NR3C2: variants seen among roughly 807,000 people sequenced by gnomAD.
NR3C2 encodes the protein mineralocorticoid receptor.
A neutral mutation model predicts 86.4 loss-of-function variants in NR3C2; 15 were observed. That is an observed-to-expected ratio of 0.17 (90% CI 0.12 to 0.27). NR3C2 has a LOEUF of 0.27. NR3C2 is among the 10% of genes least tolerant of loss of function. The pLI, the probability that NR3C2 is intolerant of heterozygous loss-of-function variation, is 1.00. For missense variants in NR3C2, 960 were observed against 1,195.6 expected (o/e 0.80, Z 2.91); for synonymous variants, 458 against 450.5 (o/e 1.02, Z -0.21).
rs72655234 is a variant in NR3C2, at chr4:148,260,273, A to G, written c.1758-156T>C. Among the ~76,000 whole-genome samples the G allele has an allele frequency of 1.5e-3, 235 of 152,318 alleles. 1 individual carries two copies. The highest frequency in any genetic ancestry group is 5.2e-3 in the African/African-American group (218 of 41,570). On this transcript the variant is annotated intron_variant, in intron 2 of 8. Coordinates refer to ENST00000358102, the MANE Select transcript of NR3C2 (RefSeq NM_000901.5). ...TGTGACTTAGCAAAATAAAGGTAAA[A>G]CCCGATGAGTGGAGCAATGCTATCA...
At chr4:148,283,752 T>A (rs1741370428) in intron 2 of NR3C2, among the ~76,000 whole-genome samples, 1 of 152,258 alleles carries the variant, frequency 6.6e-6, no homozygotes, top group South Asian at 2.1e-4. Flanking sequence ...ACTTGGTTAA[T>A]TCATAAATGC....
At chr4:148,309,952 A>G (rs1742826229) in intron 2 of NR3C2, among the ~76,000 whole-genome samples, 1 of 152,204 alleles carries the variant, frequency 6.6e-6, no homozygotes, top group African/African-American at 2.4e-5. Flanking sequence ...TAAATGAGCA[A>G]ACAAAAAAAT....
chr4:148,133,125 T>TGAG (rs1733108773), intron 6 of NR3C2, among the ~76,000 whole-genome samples: 1 of 149,330 alleles, frequency 6.7e-6, no homozygotes, highest in Admixed American at 6.7e-5. Flanking sequence ...CCCAGGAAGC[T>TGAG]GAGGACGCGG....
chr4:148,364,567 T>C (rs1295002416), intron 2 of NR3C2, among the ~76,000 whole-genome samples: 1 of 152,218 alleles, frequency 6.6e-6, no homozygotes, highest in Non-Finnish European at 1.5e-5. Context: ...TCCTTAACAA[T>C]ATGTGTTAGG....
intron 2 of NR3C2, among the ~76,000 whole-genome samples, chr4:148,281,791 G>A (rs2149897279): frequency 6.6e-6 from 1 of 152,298 alleles, no homozygotes; most frequent in Non-Finnish European, 1.5e-5. Flanking sequence ...AATGCTATAG[G>A]AGACGGAAAG....
At chr4:148,417,797 T>C (rs1383842914) in intron 2 of NR3C2, among the ~76,000 whole-genome samples, 1 of 152,170 alleles carries the variant, frequency 6.6e-6, no homozygotes. Context: ...CCTAACAGGG[T>C]TTCTTTTGTT....
At chr4:148,295,521 C>T (rs779426108) in intron 2 of NR3C2, among the ~76,000 whole-genome samples, 3 of 148,526 alleles carry the variant, frequency 2.0e-5, no homozygotes, top group Non-Finnish European at 4.5e-5. Context: ...ATGTCATTCC[C>T]TCCATCTAGA....
In NR3C2 at chr4:148,399,282, T is replaced by C. The variant is rs1312312924; in HGVS notation, c.1757+35822A>G. Among the ~76,000 whole-genome samples the C allele has an allele frequency of 3.9e-5, 6 of 152,186 alleles. No homozygotes were observed. The East Asian group carries it at 1.2e-3, about 29-fold the overall frequency. On this transcript the variant is annotated intron_variant, in intron 2 of 8. Transcript: ENST00000358102. ...CACTTGCATGAATGTCATGATTGCA[T>C]TAAAATGGCAACATAATATTCCACT...
intron 2 of NR3C2, among the ~76,000 whole-genome samples, chr4:148,352,454 G>A (rs1261101381): frequency 6.6e-6 from 1 of 151,062 alleles, no homozygotes; most frequent in Non-Finnish European, 1.5e-5. Context: ...CCAAAATGAT[G>A]CTTGGCATCT....
intron 2 of NR3C2, among the ~76,000 whole-genome samples, chr4:148,323,346 T>C (rs1227577438): frequency 1.3e-5 from 2 of 149,084 alleles, no homozygotes; most frequent in Non-Finnish European, 3.0e-5. Flanking sequence ...GTCTGTGCCC[T>C]GCCCCCAGAG....
chr4:148,310,757 T>C lies in NR3C2; in HGVS notation c.1758-50640A>G, dbSNP rs773546702. 3.0e-4 allele frequency among the ~76,000 whole-genome samples: 45 copies of C among 152,194 alleles called. 1 individual carries two copies. The highest frequency in any genetic ancestry group is 3.9e-4 in the Admixed American group (6 of 15,278). Reference sequence around the variant, plus strand: ...ATCAGCATATGAGCATGCCATGACATCTTTAAAATAATTTTTTTAAAAGAA... The same window carrying C: ...ATCAGCATATGAGCATGCCATGACACCTTTAAAATAATTTTTTTAAAAGAA... On this transcript the variant is annotated intron_variant, in intron 2 of 8. Coordinates refer to ENST00000358102, the MANE Select transcript of NR3C2 (RefSeq NM_000901.5).
At position 148,095,602 on chromosome 4, in the gene NR3C2, G is replaced by A. The variant is rs989867165; in HGVS notation, c.2800-14103C>T. On this transcript the variant is annotated intron_variant, in intron 8 of 8. Coordinates refer to ENST00000358102, the MANE Select transcript of NR3C2 (RefSeq NM_000901.5). ...CAAAAGTTTGTCAGTGAGCATGCTC[G>A]GTGCAGCAGCTAAATGCTAGGCACG... 6.6e-5 allele frequency among the ~76,000 whole-genome samples: 10 copies of A among 152,146 alleles called. No homozygotes were observed. The South Asian group carries it at 8.3e-4, about 13-fold the overall frequency.
intron 2 of NR3C2, among the ~76,000 whole-genome samples, chr4:148,304,870 G>C (rs1742531658): frequency 6.6e-6 from 1 of 151,548 alleles, no homozygotes. Context: ...TTCAGTTTGT[G>C]AGGTGGGAGC....
At position 148,136,087 on chromosome 4, in the gene NR3C2, A is replaced by AAAAAAAAAAAAAC. The variant is rs1560940053; in HGVS notation, c.2511-15800_2511-15799insGTTTTTTTTTTTT. On this transcript the variant is annotated intron_variant, in intron 6 of 8. Coordinates refer to ENST00000358102, the MANE Select transcript of NR3C2 (RefSeq NM_000901.5). ...AAAAAAAAAAAAAAACAAAAAAAAA[A>AAAAAAAAAAAAAC]AACACCACCAAAACCAACAAAAAAA... 5.0e-5 allele frequency among the ~76,000 whole-genome samples: 4 copies of AAAAAAAAAAAAAC among 79,254 alleles called. 1 individual carries two copies. The highest frequency in any genetic ancestry group is 1.7e-4 in the African/African-American group (4 of 22,862). The allele number at this position is 79,254 out of a possible 152,430, so 52.0% of individuals were successfully genotyped here.
At chr4:148,095,464 C>T (rs1382411459) in intron 8 of NR3C2, among the ~76,000 whole-genome samples, 9 of 152,222 alleles carry the variant, frequency 5.9e-5, no homozygotes, top group Admixed American at 5.9e-4. Context: ...CCAGGCTCCA[C>T]AATGCCATCG....
At chr4:148,114,042 G>T in intron 8 of NR3C2, 62 bp downstream of exon 8, 7 of 1,586,620 alleles carry the variant, frequency 4.4e-6, no homozygotes, top group Non-Finnish European at 6.0e-6. Flanking sequence ...GTTTCCTTTG[G>T]TCAGCAGTGT....
chr4:148,397,480 A>G (rs1353038006), intron 2 of NR3C2, among the ~76,000 whole-genome samples: 1 of 152,226 alleles, frequency 6.6e-6, no homozygotes, highest in Non-Finnish European at 1.5e-5. Context: ...CAGAGCCACC[A>G]ATCTCTCAGA....
At chr4:148,204,638 A>G (rs1222695779) in intron 3 of NR3C2, among the ~76,000 whole-genome samples, 1 of 152,190 alleles carries the variant, frequency 6.6e-6, no homozygotes, top group African/African-American at 2.4e-5. Flanking sequence ...TTAGAAGTAT[A>G]CTTAATATTC....
chr4:148,307,997 T>C (rs2149932255), intron 2 of NR3C2, among the ~76,000 whole-genome samples: 1 of 152,208 alleles, frequency 6.6e-6, no homozygotes, highest in Non-Finnish European at 1.5e-5. Context: ...GCAGAGATGG[T>C]GGAGAAGGCA....
Sources: allele counts gnomAD v4.1 joint callset (sites outside exome capture counted in the v4.1 genomes callset), GRCh38; gene constraint gnomAD v4.1.1; transcripts MANE v1.5; gene names NCBI Gene and HGNC (gene_info 2026-07-23, HGNC 2026-07-21).